SNX25: variants seen among roughly 807,000 people sequenced by gnomAD.
The protein encoded by SNX25 is sorting nexin 25.
In SNX25, 62 loss-of-function variants were observed where a neutral mutation model predicts 113.7. That is an observed-to-expected ratio of 0.55 (90% CI 0.44 to 0.67). SNX25 has a LOEUF of 0.67. SNX25 is among the 30% of genes least tolerant of loss of function. The pLI is 0.00. For synonymous variants in SNX25, 421 were observed against 436.2 expected, an observed-to-expected ratio of 0.97 and a Z score of 0.43; for missense variants, 1,014 against 1,161.0, an observed-to-expected ratio of 0.87 and a Z score of 1.84.
At chr4:185,216,300 A>G (rs1738798683) in intron 1 of SNX25, among the ~76,000 whole-genome samples, 2 of 152,168 alleles carry the variant, frequency 1.3e-5, no homozygotes, top group Admixed American at 6.5e-5. Flanking sequence ...TTTGATACAT[A>G]TAATATTGGT....
At chr4:185,231,074 A>T (rs1182315653) in intron 1 of SNX25, among the ~76,000 whole-genome samples, 1 of 150,754 alleles carries the variant, frequency 6.6e-6, no homozygotes, top group Non-Finnish European at 1.5e-5. Flanking sequence ...GCCTGTCTTA[A>T]TAACATGTTT....
intron 6 of SNX25, among the ~76,000 whole-genome samples, chr4:185,304,571 G>A (rs1165370546): frequency 3.9e-5 from 6 of 152,040 alleles, no homozygotes; most frequent in Non-Finnish European, 7.4e-5. Flanking sequence ...TGATCAGACT[G>A]GTCTCCAACT....
At chr4:185,287,364 T>A (rs554281581) in intron 5 of SNX25, among the ~76,000 whole-genome samples, 35 of 152,304 alleles carry the variant, frequency 2.3e-4, no homozygotes, top group African/African-American at 8.4e-4. Context: ...CTGGTGCAGA[T>A]ATTTTGATTC....
At chr4:185,281,554 T>TA (rs1750562268) in intron 5 of SNX25, among the ~76,000 whole-genome samples, 1 of 152,216 alleles carries the variant, frequency 6.6e-6, no homozygotes, top group Non-Finnish European at 1.5e-5. Flanking sequence ...ACTACTCTGA[T>TA]ACACTTTCTC....
intron 1 of SNX25, among the ~76,000 whole-genome samples, chr4:185,215,009 T>C (rs540963870): frequency 1.3e-5 from 2 of 152,240 alleles, no homozygotes; most frequent in East Asian, 3.9e-4. Flanking sequence ...GGCGGGTGGA[T>C]CACGAGGTCA....
chr4:185,338,916 C>T (rs1170451319), intron 10 of SNX25, among the ~76,000 whole-genome samples: 3 of 152,228 alleles, frequency 2.0e-5, no homozygotes, highest in Middle Eastern at 3.4e-3. Context: ...CCTCCAACTT[C>T]GTTCTCTTCA....
At chr4:185,254,511 T>C (rs1023929690) in intron 2 of SNX25, among the ~76,000 whole-genome samples, 2 of 152,130 alleles carry the variant, frequency 1.3e-5, no homozygotes, top group Non-Finnish European at 2.9e-5. Context: ...GGTGGGAAAA[T>C]GGCCCTCTTG....
chr4:185,208,533 TC>T (rs1358711324), upstream of SNX25, among the ~76,000 whole-genome samples: 1 of 151,692 alleles, frequency 6.6e-6, no homozygotes, highest in Non-Finnish European at 1.5e-5. Context: ...ATTGAGACCA[TC>T]CTGGCTAATA....
At chr4:185,218,468 A>G (rs1369618940) in intron 1 of SNX25, among the ~76,000 whole-genome samples, 2 of 152,226 alleles carry the variant, frequency 1.3e-5, no homozygotes, top group Non-Finnish European at 2.9e-5. Context: ...CTCTCAGCCC[A>G]GGTGCTGCTT....
Position 185,323,707 on chromosome 4 carries a change from C to A in SNX25, c.1656C>A (p.Tyr552Ter). Residue 552 changes from tyrosine (Y) to a stop codon, truncating the protein, a stop_gained, in exon 9 of 19, where the codon TAC becomes TAA. Coordinates refer to ENST00000652585, the MANE Select transcript of SNX25 (RefSeq NM_001378034.2). LOFTEE classifies it high-confidence loss of function. ...DVYETLKDRY[Y>*]PSFIVSDLYE... ...ATGAGACCCTAAAGGATAGGTATTA[C>A]CCTTCATTTATTGTCAGTGACCTGT... The A allele has an allele frequency of 6.2e-7, 1 of 1,613,352 alleles. No homozygotes were observed. The highest frequency in any genetic ancestry group is 2.2e-5 in the East Asian group (1 of 44,780).
intron 16 of SNX25, among the ~76,000 whole-genome samples, chr4:185,358,198 TA>T (rs1331505208): frequency 6.6e-6 from 1 of 152,256 alleles, no homozygotes; most frequent in Non-Finnish European, 1.5e-5. Flanking sequence ...ACTGAAGTGC[TA>T]ACTCTTCTTG....
intron 5 of SNX25, among the ~76,000 whole-genome samples, chr4:185,270,053 A>T (rs889996763): frequency 6.6e-6 from 1 of 150,702 alleles, no homozygotes; most frequent in Non-Finnish European, 1.5e-5. Context: ...TATACAGTTC[A>T]TCATCTGGTA....
chr4:185,316,887 A>G (rs1215815652), intron 7 of SNX25, among the ~76,000 whole-genome samples: 1 of 152,240 alleles, frequency 6.6e-6, no homozygotes, highest in East Asian at 1.9e-4. Context: ...GAGTTTACAT[A>G]AAGTCAAATG....
At position 185,224,814 on chromosome 4, in the gene SNX25, A is replaced by G. The variant is rs954054745; in HGVS notation, c.429+14559A>G. On this transcript the variant is annotated intron_variant, in intron 1 of 18. Coordinates refer to ENST00000652585, the MANE Select transcript of SNX25 (RefSeq NM_001378034.2). ...TAGTTGACTCTTGCATCCTTTGGAC[A>G]TAACCCTTGTGGTCTTTGAGTGTTT... Among the ~76,000 whole-genome samples, 5 of 151,818 alleles carry G rather than the reference A, an allele frequency of 3.3e-5. No individual in the cohort carries two copies. In the East Asian group the frequency reaches 5.8e-4, roughly 18 times the overall value.
rs150366479 is a variant in SNX25, at chr4:185,339,560, T to A, written c.2046+50T>A. The A allele has an allele frequency of 3.0e-4, 466 of 1,576,090 alleles. 1 individual carries two copies. The African/African-American group carries it at 5.8e-3, about 20-fold the overall frequency. On this transcript the variant is annotated intron_variant, in intron 11 of 18. Coordinates refer to ENST00000652585, the MANE Select transcript of SNX25 (RefSeq NM_001378034.2). ...AATTTATTTTAAAAGTTTGACTTTA[T>A]TAAAAAAGATTTTATCCTGAAGAAT...
intron 7 of SNX25, among the ~76,000 whole-genome samples, chr4:185,312,817 G>A (rs539854158): frequency 1.3e-5 from 2 of 152,240 alleles, no homozygotes; most frequent in South Asian, 2.1e-4. Context: ...GAGCCACTGC[G>A]CCTGGCCTTG....
intron 16 of SNX25, among the ~76,000 whole-genome samples, chr4:185,361,306 T>A (rs1369954045): frequency 6.6e-6 from 1 of 152,208 alleles, no homozygotes; most frequent in African/African-American, 2.4e-5. Context: ...TTATACCACT[T>A]CATGGAAATG....
chr4:185,319,732 G>A (rs1317881365), intron 7 of SNX25, among the ~76,000 whole-genome samples: 1 of 152,134 alleles, frequency 6.6e-6, no homozygotes, highest in Non-Finnish European at 1.5e-5. Context: ...TGAGTGAATG[G>A]TTAATAGGAA....
downstream of SNX25, chr4:185,374,604 C>T (rs1205402647): frequency 1.2e-6 from 1 of 861,526 alleles, no homozygotes; most frequent in African/African-American, 1.7e-5. Flanking sequence ...TACAATTGTC[C>T]TGGATTCTGC....
Sources: gnomAD v4.1 joint callset for allele counts (sites outside exome capture counted in the v4.1 genomes callset) on GRCh38, gnomAD v4.1.1 for gene constraint, MANE v1.5 for transcripts, NCBI Gene and HGNC (gene_info 2026-07-23, HGNC 2026-07-21) for gene names.